The following ZC3H12B variants were observed in gnomAD, a reference collection of about 807,000 sequenced individuals.
ZC3H12B encodes the protein zinc finger CCCH-type containing 12B, also known as probable ribonuclease ZC3H12B.
Under a neutral mutation model 43.9 loss-of-function variants are expected in ZC3H12B, and 7 were observed. That is an observed-to-expected ratio of 0.16 (90% CI 0.09 to 0.30). The LOEUF (loss-of-function observed/expected upper bound fraction) is 0.30, where lower values mean the gene tolerates loss of function less well. ZC3H12B is among the 10% of genes least tolerant of loss of function. The pLI is 1.00. For synonymous variants in ZC3H12B, 222 were observed against 241.7 expected, an observed-to-expected ratio of 0.92 and a Z score of 0.76; for missense variants, 475 against 670.2, an observed-to-expected ratio of 0.71 and a Z score of 3.22.
chrX:65,380,643 A>G (rs1384673548), intron 2 of ZC3H12B, among the ~76,000 whole-genome samples: 1 of 112,076 alleles, frequency 8.9e-6, no homozygotes, highest in Admixed American at 9.5e-5. Context: ...AAATGCTCCA[A>G]TTAAAAGACA....
At chrX:65,451,962 A>G (rs1250851257) in intron 3 of ZC3H12B, among the ~76,000 whole-genome samples, 1 of 111,747 alleles carries the variant, frequency 8.9e-6, no homozygotes, top group Non-Finnish European at 1.9e-5. Context: ...TGATTTGGAC[A>G]TATAGGTGAA....
chrX:65,164,083 G>C, the ZC3H12B span, among the ~76,000 whole-genome samples: 2 of 112,131 alleles, frequency 1.8e-5, no homozygotes, highest in Non-Finnish European at 3.8e-5. Flanking sequence ...TTGCAACAAA[G>C]AAATAGTTTA....
chrX:65,223,521 C>G, the ZC3H12B span, among the ~76,000 whole-genome samples: 1 of 112,403 alleles, frequency 8.9e-6, no homozygotes, highest in Non-Finnish European at 1.9e-5. Context: ...AAATAATCAG[C>G]AAAGTTAATA....
At position 65,448,767 on chromosome X, in the gene ZC3H12B, A is replaced by G. The variant is rs372702344; in HGVS notation, n.408-39879A>G. Among the ~76,000 whole-genome samples the G allele has an allele frequency of 4.0e-4, 43 of 107,586 alleles. No individual in the cohort carries two copies. In the South Asian group the frequency reaches 7.0e-3, roughly 18 times the overall value. 93.4% of individuals were successfully genotyped at this position (107,586 alleles called of 115,157 possible). A position where few individuals can be genotyped will look rare whatever the true frequency, so the allele number is the denominator to read the frequency against. On this transcript the variant is annotated intron_variant and non_coding_transcript_variant, in intron 3 of 5. Coordinates refer to the ZC3H12B transcript ENST00000617377. The stretch of plus-strand genomic sequence containing the variant: ...AGGAGGTGGAGGTTGCAGTGAACCA[A>G]GATTCACACCACTGCACTCCAGCCT...
At chrX:65,251,054 G>T in the ZC3H12B span, among the ~76,000 whole-genome samples, 2 of 111,508 alleles carry the variant, frequency 1.8e-5, no homozygotes, top group Non-Finnish European at 3.8e-5. Context: ...TTTCTTCTAG[G>T]GTTTTTATGG....
the ZC3H12B span, among the ~76,000 whole-genome samples, chrX:65,119,843 C>T: frequency 8.9e-6 from 1 of 111,880 alleles, no homozygotes; most frequent in Non-Finnish European, 1.9e-5. Context: ...AGGAAGGGAT[C>T]CAGTTTCAGC....
chrX:65,167,324 G>C, the ZC3H12B span, among the ~76,000 whole-genome samples: 6 of 111,619 alleles, frequency 5.4e-5, no homozygotes, highest in African/African-American at 2.0e-4. Context: ...TCTGGTTTTT[G>C]TCAGGTTTGT....
chrX:65,240,401 T>C, the ZC3H12B span, among the ~76,000 whole-genome samples: 1 of 112,320 alleles, frequency 8.9e-6, no homozygotes, highest in African/African-American at 3.2e-5. Flanking sequence ...ATTTCTCATA[T>C]GTTTTAAGGC....
At chrX:65,408,694 C>G in intron 3 of ZC3H12B, 1 of 856,827 alleles carries the variant, frequency 1.2e-6, no homozygotes, top group Non-Finnish European at 1.7e-6. Context: ...AGGACTTTGT[C>G]CTCATACTCT....
the ZC3H12B span, among the ~76,000 whole-genome samples, chrX:65,133,829 A>G: frequency 9.1e-6 from 1 of 110,195 alleles, no homozygotes; most frequent in Admixed American, 9.6e-5. Flanking sequence ...GAAAGAAGAA[A>G]GATTTGCGAT....
chrX:65,246,460 C>A, the ZC3H12B span, among the ~76,000 whole-genome samples: 1 of 111,721 alleles, frequency 9.0e-6, no homozygotes, highest in Non-Finnish European at 1.9e-5. Context: ...CAAGGCAATT[C>A]TAAGCAAAAA....
the ZC3H12B span, among the ~76,000 whole-genome samples, chrX:65,207,050 C>G: frequency 9.1e-6 from 1 of 109,495 alleles, no homozygotes; most frequent in Non-Finnish European, 1.9e-5. Context: ...CACTTTTACA[C>G]TGCTGGTGGG....
the ZC3H12B span, among the ~76,000 whole-genome samples, chrX:65,243,530 A>G: frequency 1.8e-5 from 2 of 112,140 alleles, no homozygotes; most frequent in Admixed American, 9.5e-5. Flanking sequence ...GGGAATGTAA[A>G]TTAGTATAGC....
the ZC3H12B span, among the ~76,000 whole-genome samples, chrX:65,137,745 T>C: frequency 1.8e-5 from 2 of 112,869 alleles, no homozygotes; most frequent in Non-Finnish European, 3.7e-5. Context: ...AAGAAAAAAA[T>C]ATATGAAATA....
the ZC3H12B span, among the ~76,000 whole-genome samples, chrX:65,172,121 G>A: frequency 3.6e-5 from 4 of 112,475 alleles, no homozygotes; most frequent in Non-Finnish European, 7.5e-5. Flanking sequence ...ACTGGGAGAT[G>A]TAGACTGGAG....
At chrX:65,083,934 G>C in the ZC3H12B span, among the ~76,000 whole-genome samples, 1 of 111,490 alleles carries the variant, frequency 9.0e-6, no homozygotes, top group Non-Finnish European at 1.9e-5. Flanking sequence ...GAACAGAATA[G>C]AGAACCCAGA....
the ZC3H12B span, among the ~76,000 whole-genome samples, chrX:65,319,603 G>T: frequency 1.7e-3 from 194 of 110,981 alleles, 2 homozygotes; most frequent in African/African-American, 6.2e-3. Flanking sequence ...ACCAAAACCT[G>T]GCAGAGACAC....
At chrX:65,098,799 G>A in the ZC3H12B span, among the ~76,000 whole-genome samples, 1 of 111,032 alleles carries the variant, frequency 9.0e-6, no homozygotes, top group Non-Finnish European at 1.9e-5. Context: ...GCACAAAATG[G>A]GGCAGCTGTT....
At chrX:65,197,273 C>T in the ZC3H12B span, among the ~76,000 whole-genome samples, 1 of 112,151 alleles carries the variant, frequency 8.9e-6, no homozygotes, top group Non-Finnish European at 1.9e-5. Flanking sequence ...CTTTACAAAC[C>T]TAAAGCAGCC....
Sources: gnomAD v4.1 joint callset for allele counts (sites outside exome capture counted in the v4.1 genomes callset) on GRCh38, gnomAD v4.1.1 for gene constraint, MANE v1.5 for transcripts, NCBI Gene and HGNC (gene_info 2026-07-23, HGNC 2026-07-21) for gene names.